The following DYNC1LI1 variants were observed in gnomAD, a reference collection of about 807,000 sequenced individuals.
DYNC1LI1 encodes the protein cytoplasmic dynein 1 light intermediate chain 1.
DYNC1LI1 carries 19 observed loss-of-function variants against 63.8 expected under a neutral mutation model. The ratio of observed to expected loss-of-function variants is 0.30; its 90% CI spans 0.21 to 0.44. DYNC1LI1 has a LOEUF of 0.44. DYNC1LI1 is among the 20% of genes least tolerant of loss of function. DYNC1LI1 has a pLI of 1.00. For missense variants in DYNC1LI1, 565 were observed against 630.2 expected (o/e 0.90, Z 1.11); for synonymous variants, 225 against 232.3 (o/e 0.97, Z 0.28).
At chr3:32,533,569 T>C (rs535195614) in intron 7 of DYNC1LI1, among the ~76,000 whole-genome samples, 90 of 78,964 alleles carry the variant, frequency 1.1e-3, no homozygotes, top group African/African-American at 3.9e-3. Context: ...CGGTTACCTT[T>C]TTTTTTTTTT....
chr3:32,560,756 CA>C (rs1235854848), intron 2 of DYNC1LI1, among the ~76,000 whole-genome samples: 1 of 151,790 alleles, frequency 6.6e-6, no homozygotes, highest in Admixed American at 6.6e-5. Context: ...GTAATCCCAG[CA>C]CTTTGGGAGG....
chr3:32,534,652 T>A lies in DYNC1LI1; in HGVS notation c.833-6A>T. 6.5e-7 allele frequency: 1 copy of A among 1,531,662 alleles called. No homozygotes were observed. The highest frequency in any genetic ancestry group is 1.4e-5 in the African/African-American group (1 of 71,216). The allele number at this position is 1,531,662 out of a possible 1,614,324, so 94.9% of individuals were successfully genotyped here. A position where few individuals can be genotyped will look rare whatever the true frequency, so the allele number is the denominator to read the frequency against. On this transcript the variant is annotated splice_region_variant and splice_polypyrimidine_tract_variant and intron_variant, in intron 6 of 12. Coordinates refer to ENST00000273130, the MANE Select transcript of DYNC1LI1 (RefSeq NM_016141.4). ...GTAAATAAGTGCTGCACCATCTGAATAATATGGTTAAAGAAAAATTCTGGA... is the reference window on the plus strand; with the variant it reads ...GTAAATAAGTGCTGCACCATCTGAAAAATATGGTTAAAGAAAAATTCTGGA...
At chr3:32,568,749 A>G (rs1478394620) in intron 2 of DYNC1LI1, among the ~76,000 whole-genome samples, 3 of 152,256 alleles carry the variant, frequency 2.0e-5, no homozygotes, top group Admixed American at 1.3e-4. Context: ...AATGTATAAA[A>G]TAAGAACAAA....
At chr3:32,531,982 G>T (rs954806734) in intron 8 of DYNC1LI1, 1 of 152,114 alleles carries the variant, frequency 6.6e-6, no homozygotes, top group African/African-American at 2.4e-5. Flanking sequence ...GGAGCTCAAA[G>T]TGTTTCAGAT....
intron 2 of DYNC1LI1, among the ~76,000 whole-genome samples, chr3:32,557,251 T>C (rs564616934): frequency 6.6e-6 from 1 of 152,256 alleles, no homozygotes; most frequent in Admixed American, 6.5e-5. Flanking sequence ...CACGGTGGCT[T>C]AGGCCTGTAA....
At chr3:32,560,153 G>C (rs59829458) in intron 2 of DYNC1LI1, among the ~76,000 whole-genome samples, 1,625 of 152,330 alleles carry the variant, frequency 0.011, 35 homozygotes, top group African/African-American at 0.035. Context: ...TCCAGCTGAA[G>C]GCCAGGCGTG....
At chr3:32,568,234 A>G (rs975101686) in intron 2 of DYNC1LI1, among the ~76,000 whole-genome samples, 5 of 152,192 alleles carry the variant, frequency 3.3e-5, no homozygotes, top group African/African-American at 1.2e-4. Context: ...CTTCAAACTC[A>G]TAACAAAGAA....
chr3:32,537,872 CATAT>C (rs72436673), intron 5 of DYNC1LI1, among the ~76,000 whole-genome samples: 2 of 86,934 alleles, frequency 2.3e-5, no homozygotes, highest in Non-Finnish European at 4.3e-5. Context: ...TTTTTTGTTA[CATAT>C]ATATATATAT....
At chr3:32,562,715 T>C (rs77244352) in intron 2 of DYNC1LI1, among the ~76,000 whole-genome samples, 5 of 152,304 alleles carry the variant, frequency 3.3e-5, no homozygotes, top group African/African-American at 1.2e-4. Context: ...ATTTCCAATT[T>C]TGAGAGGAAA....
intron 5 of DYNC1LI1, among the ~76,000 whole-genome samples, chr3:32,538,496 C>T (rs1697831901): frequency 6.6e-6 from 1 of 151,802 alleles, no homozygotes; most frequent in African/African-American, 2.4e-5. Flanking sequence ...GTCAGGAGAT[C>T]GAGACCATCC....
At chr3:32,528,756 TA>T (rs1697656743) in intron 11 of DYNC1LI1, among the ~76,000 whole-genome samples, 155 bp from the exon 12 acceptor site, 1 of 152,220 alleles carries the variant, frequency 6.6e-6, no homozygotes, top group African/African-American at 2.4e-5. Flanking sequence ...TGATGCTGAG[TA>T]ATTTCTCTAA....
intron 2 of DYNC1LI1, among the ~76,000 whole-genome samples, chr3:32,554,626 G>A (rs968880056): frequency 2.0e-5 from 3 of 152,108 alleles, no homozygotes; most frequent in Admixed American, 6.6e-5. Context: ...ACCTCTGCAA[G>A]GGTACAACTC....
In DYNC1LI1 at chr3:32,547,967, AAT is replaced by A. The variant is rs1238511246; in HGVS notation, c.221-2004_221-2003del. ...TTGCATTGTGGGTATGTGTATGTAT[AAT>A]ATATATGTGTGTGTATATGTTACAT... On this transcript the variant is annotated intron_variant, in intron 2 of 12. Transcript: ENST00000273130. Among the ~76,000 whole-genome samples the A allele has an allele frequency of 4.6e-5, 7 of 152,194 alleles. No individual in the cohort carries two copies. In the South Asian group the frequency reaches 1.5e-3, roughly 32 times the overall value.
intron 2 of DYNC1LI1, among the ~76,000 whole-genome samples, chr3:32,565,035 G>C (rs1196276571): frequency 6.6e-6 from 1 of 152,072 alleles, no homozygotes; most frequent in Non-Finnish European, 1.5e-5. Context: ...GCATTTTGTG[G>C]GACTTTTGGC....
At chr3:32,542,269 A>C (rs1697892723) in intron 4 of DYNC1LI1, among the ~76,000 whole-genome samples, 1 of 152,036 alleles carries the variant, frequency 6.6e-6, no homozygotes, top group South Asian at 2.1e-4. Flanking sequence ...ACACCTGGCT[A>C]ACTTTTTATT....
At chr3:32,567,531 TTTATTA>T (rs71295031) in intron 2 of DYNC1LI1, among the ~76,000 whole-genome samples, 1 of 148,022 alleles carries the variant, frequency 6.8e-6, no homozygotes. Flanking sequence ...TTTTATTTTA[TTTATTA>T]TTATTATTAT....
Position 32,529,599 on chromosome 3 carries a change from T to C in DYNC1LI1, c.1247A>G (p.Asn416Ser), listed in dbSNP as rs768336349. ...PRTPNRSVSS[N>S]VASVSPIPAG... ...AGGAATGGGTGACACGCTGGCAACATTAGATGATACAGATCTATTTGGTGT... is the reference window on the plus strand; with the variant it reads ...AGGAATGGGTGACACGCTGGCAACACTAGATGATACAGATCTATTTGGTGT... Residue 416 changes from asparagine to serine, a missense_variant, in exon 11 of 13, where the codon AAT becomes AGT. Transcript: ENST00000273130. The C allele has an allele frequency of 6.2e-7, 1 of 1,610,724 alleles. No individual in the cohort carries two copies. The highest frequency in any genetic ancestry group is 1.1e-5 in the South Asian group (1 of 90,652).
chr3:32,542,464 A>G, intron 4 of DYNC1LI1, among the ~76,000 whole-genome samples: 1 of 146,120 alleles, frequency 6.8e-6, no homozygotes, highest in Non-Finnish European at 1.5e-5. Context: ...GCTGGAATGC[A>G]GTGGCGCAAT....
chr3:32,531,066 G>T, intron 8 of DYNC1LI1: 1 of 152,982 alleles, frequency 6.5e-6, no homozygotes, highest in Admixed American at 6.5e-5. Flanking sequence ...GAAGTCTCCT[G>T]CTTCTATTCT....
Sources: allele counts gnomAD v4.1 joint callset (sites outside exome capture counted in the v4.1 genomes callset), GRCh38; gene constraint gnomAD v4.1.1; transcripts MANE v1.5; gene names NCBI Gene and HGNC (gene_info 2026-07-23, HGNC 2026-07-21).